ADGRL3: variants seen among roughly 807,000 people sequenced by gnomAD.
ADGRL3 encodes adhesion G protein-coupled receptor L3.
In ADGRL3, 62 loss-of-function variants were observed where a neutral mutation model predicts 153.5. The observed-to-expected ratio is 0.40, with a 90% CI of 0.33 to 0.50. The LOEUF is 0.50. Among genes scored for constraint, ADGRL3 ranks in the 20% least tolerant of loss-of-function variants. The pLI, the probability that ADGRL3 is intolerant of heterozygous loss-of-function variation, is 0.47. For missense variants in ADGRL3, 1,641 were observed against 1,859.4 expected (o/e 0.88, Z 2.16); for synonymous variants, 710 against 672.5 (o/e 1.06, Z -0.86).
At chr4:61,674,161 GA>G (rs1473640898) in intron 5 of ADGRL3, among the ~76,000 whole-genome samples, 3 of 149,168 alleles carry the variant, frequency 2.0e-5, no homozygotes, top group Admixed American at 6.7e-5. Flanking sequence ...TAGATAGATA[GA>G]TAGATAGATA....
chr4:61,876,102 G>GTTT (rs33949547), intron 9 of ADGRL3, among the ~76,000 whole-genome samples: 1 of 150,952 alleles, frequency 6.6e-6, no homozygotes, highest in Non-Finnish European at 1.5e-5. Context: ...TCATCAAATA[G>GTTT]TTTTTTTTTC....
rs146161946 is a variant in ADGRL3 at position 61,356,107 on chromosome 4, C to G, written c.-239-27017C>G. ...AATTTGACTACACCTTCGTTTCTTT[C>G]ATTTGTGATAAATCCATTTTTATTT... On this transcript the variant is annotated intron_variant, in intron 1 of 26. Coordinates refer to ENST00000683033, the MANE Select transcript of ADGRL3 (RefSeq NM_001387552.1). Among the ~76,000 whole-genome samples the G allele has an allele frequency of 6.9e-3, 1,045 of 152,084 alleles. 12 individuals carry two copies. The highest frequency in any genetic ancestry group is 0.024 in the African/African-American group (1,005 of 41,530).
chr4:61,336,700 A>G (rs931607770), intron 1 of ADGRL3, among the ~76,000 whole-genome samples: 1 of 151,912 alleles, frequency 6.6e-6, no homozygotes, highest in African/African-American at 2.4e-5. Context: ...TTGTGTAATA[A>G]TCTGCCAACA....
chr4:61,764,489 T>A (rs936566235), intron 8 of ADGRL3, among the ~76,000 whole-genome samples: 46 of 150,588 alleles, frequency 3.1e-4, no homozygotes, highest in African/African-American at 1.1e-3. Flanking sequence ...GGAGCCAGGA[T>A]GAGCCAGGAA....
At chr4:61,618,507 C>T in intron 5 of ADGRL3, among the ~76,000 whole-genome samples, 1 of 152,086 alleles carries the variant, frequency 6.6e-6, no homozygotes, top group Non-Finnish European at 1.5e-5. Context: ...TTTGATGGAT[C>T]AAGTGTCCAC....
intron 5 of ADGRL3, among the ~76,000 whole-genome samples, chr4:61,653,155 C>CTCTG (rs2094323207): frequency 7.4e-5 from 10 of 134,244 alleles, no homozygotes; most frequent in African/African-American, 2.9e-4. Context: ...CTCTCTGTCT[C>CTCTG]TCTCTCTCTC....
intron 4 of ADGRL3, among the ~76,000 whole-genome samples, chr4:61,565,556 A>G (rs1404504583): frequency 6.7e-6 from 1 of 149,852 alleles, no homozygotes; most frequent in Non-Finnish European, 1.5e-5. Flanking sequence ...TTCTTTTTTG[A>G]GATGAAGTCT....
intron 4 of ADGRL3, chr4:61,583,715 G>A (rs2098935221): frequency 1.9e-6 from 1 of 518,342 alleles, no homozygotes; most frequent in Non-Finnish European, 3.9e-6. Flanking sequence ...CCAAAGTGTG[G>A]CATCCTAGCA....
chr4:61,302,625 T>TA (rs1222444791), intron 1 of ADGRL3, among the ~76,000 whole-genome samples: 2 of 152,182 alleles, frequency 1.3e-5, no homozygotes, highest in East Asian at 3.8e-4. Flanking sequence ...TCAAAATTGC[T>TA]AACATTTTTC....
At chr4:61,777,870 G>GT (rs2097171214) in intron 8 of ADGRL3, among the ~76,000 whole-genome samples, 1 of 152,134 alleles carries the variant, frequency 6.6e-6, no homozygotes, top group Non-Finnish European at 1.5e-5. Flanking sequence ...GAAAAAGTAT[G>GT]TAACACATTG....
At position 61,808,718 on chromosome 4, in the gene ADGRL3, A is replaced by T. The variant is rs984619079; in HGVS notation, c.1400-5091A>T. 2.0e-5 allele frequency among the ~76,000 whole-genome samples: 3 copies of T among 150,470 alleles called. No homozygotes were observed. The South Asian group carries it at 6.2e-4, about 31-fold the overall frequency. On this transcript the variant is annotated intron_variant, in intron 8 of 26. Transcript: ENST00000683033. Reference sequence around the variant, plus strand: ...TTCCATCAGCACAAACAACACATTGACCTATGGGTTTTTGTGTTTGTTTGT... The same window carrying T: ...TTCCATCAGCACAAACAACACATTGTCCTATGGGTTTTTGTGTTTGTTTGT...
intron 1 of ADGRL3, among the ~76,000 whole-genome samples, chr4:61,249,155 A>G (rs1439202657): frequency 1.3e-5 from 2 of 152,212 alleles, no homozygotes; most frequent in Non-Finnish European, 2.9e-5. Flanking sequence ...GCAGGATGAA[A>G]TAGAAATTAC....
At chr4:62,010,080 C>T (rs961709579) in intron 21 of ADGRL3, among the ~76,000 whole-genome samples, 21 of 152,098 alleles carry the variant, frequency 1.4e-4, no homozygotes, top group Non-Finnish European at 2.5e-4. Flanking sequence ...TTTCACCACC[C>T]TAGAAGCTTC....
At chr4:61,810,973 AAAACAAAC>A (rs777177318) in intron 8 of ADGRL3, among the ~76,000 whole-genome samples, 2 of 152,224 alleles carry the variant, frequency 1.3e-5, no homozygotes, top group African/African-American at 4.8e-5. Context: ...TATCACCTCA[AAAACAAAC>A]AAACAAACAA....
intron 5 of ADGRL3, among the ~76,000 whole-genome samples, chr4:61,607,848 T>A (rs1224630084): frequency 6.6e-6 from 1 of 152,160 alleles, no homozygotes; most frequent in African/African-American, 2.4e-5. Context: ...AGTGTTATCA[T>A]CCTTGCTTCA....
chr4:61,518,182 A>G (rs1174506182), intron 4 of ADGRL3, among the ~76,000 whole-genome samples: 1 of 152,146 alleles, frequency 6.6e-6, no homozygotes, highest in African/African-American at 2.4e-5. Context: ...TTTATTTTTT[A>G]TTTACATAAT....
chr4:61,981,602 G>A (rs2099068654), intron 18 of ADGRL3, among the ~76,000 whole-genome samples: 1 of 151,824 alleles, frequency 6.6e-6, no homozygotes, highest in Non-Finnish European at 1.5e-5. Flanking sequence ...ATAAATAATA[G>A]ACAATATCTT....
intron 4 of ADGRL3, among the ~76,000 whole-genome samples, chr4:61,581,701 A>G (rs1376433383): frequency 6.6e-6 from 1 of 152,064 alleles, no homozygotes; most frequent in Non-Finnish European, 1.5e-5. Flanking sequence ...CTTCTGATTC[A>G]TAGACTTGTA....
chr4:61,829,720 T>C (rs749905361), intron 9 of ADGRL3, among the ~76,000 whole-genome samples: 31 of 152,164 alleles, frequency 2.0e-4, no homozygotes, highest in Admixed American at 7.9e-4. Context: ...AACTTCTCCA[T>C]TGGACAATAT....
Sources: allele counts gnomAD v4.1 joint callset (sites outside exome capture counted in the v4.1 genomes callset), GRCh38; gene constraint gnomAD v4.1.1; transcripts MANE v1.5; gene names NCBI Gene and HGNC (gene_info 2026-07-23, HGNC 2026-07-21).